Variants in PHB1 observed in about 807,000 individuals in gnomAD.
PHB1 encodes prohibitin 1.
chr17:49,411,876 T>C, the PHB1 span: 2 of 1,594,550 alleles, frequency 1.3e-6, no homozygotes, highest in South Asian at 2.2e-5. Flanking sequence ...ATAAAAATCC[T>C]CTCATCCTTT....
At chr17:49,411,752 G>A in the PHB1 span, 1 of 1,614,004 alleles carries the variant, frequency 6.2e-7, no homozygotes, top group Non-Finnish European at 8.5e-7. Context: ...CTGTACCCAC[G>A]GGATGAGAAA....
chr17:49,405,252 T>G, the PHB1 span: 2 of 1,530,690 alleles, frequency 1.3e-6, no homozygotes, highest in South Asian at 1.2e-5. Context: ...GGGCACCGCA[T>G]GTCAGGCTAC....
At chr17:49,407,785 A>G in the PHB1 span, among the ~76,000 whole-genome samples, 1 of 152,248 alleles carries the variant, frequency 6.6e-6, no homozygotes, top group Non-Finnish European at 1.5e-5. Context: ...ATTCTCTTCC[A>G]GAATTTTTAA....
chr17:49,409,084 C>A, the PHB1 span: 7 of 1,612,640 alleles, frequency 4.3e-6, no homozygotes, highest in Non-Finnish European at 5.9e-6. Context: ...TGGCGGCTCG[C>A]TCTGTAAGGT....
the PHB1 span, chr17:49,405,080 G>A: frequency 6.2e-7 from 1 of 1,609,292 alleles, no homozygotes; most frequent in Non-Finnish European, 8.5e-7. Flanking sequence ...GATGTCCTCT[G>A]CAGCTTCCAG....
chr17:49,410,857 T>C, the PHB1 span, among the ~76,000 whole-genome samples: 1 of 152,198 alleles, frequency 6.6e-6, no homozygotes, highest in Non-Finnish European at 1.5e-5. Flanking sequence ...GTGTAACACA[T>C]ATAAGGGGTT....
At chr17:49,405,335 A>G in the PHB1 span, 5 of 719,086 alleles carry the variant, frequency 7.0e-6, no homozygotes, top group South Asian at 8.9e-5. Context: ...CTTCCTCCTG[A>G]TGGCTAGCGG....
At chr17:49,405,120 C>T in the PHB1 span, 2 of 1,613,890 alleles carry the variant, frequency 1.2e-6, no homozygotes, top group Non-Finnish European at 1.7e-6. Flanking sequence ...CCATCCCCTG[C>T]AGTGGCCAGT....
At chr17:49,404,916 G>T in the PHB1 span, 2 of 955,080 alleles carry the variant, frequency 2.1e-6, no homozygotes, top group Non-Finnish European at 3.3e-6. Flanking sequence ...TGGGGTGGGA[G>T]CAGAAGGAAG....
At chr17:49,407,913 A>G in the PHB1 span, among the ~76,000 whole-genome samples, 1 of 152,248 alleles carries the variant, frequency 6.6e-6, no homozygotes, top group South Asian at 2.1e-4. Context: ...ATAATTAAGG[A>G]ATAAAATTTA....
At chr17:49,404,976 C>A in the PHB1 span, 3 of 1,536,502 alleles carry the variant, frequency 2.0e-6, no homozygotes, top group Non-Finnish European at 2.6e-6. Flanking sequence ...CGCGGAGGTG[C>A]AGGCAGGGTG....
the PHB1 span, chr17:49,412,045 T>C: frequency 1.8e-6 from 1 of 546,074 alleles, no homozygotes; most frequent in Non-Finnish European, 3.2e-6. Flanking sequence ...CCCCAAGGAT[T>C]GGTAATAGGA....
the PHB1 span, chr17:49,409,526 A>C: frequency 4.2e-6 from 6 of 1,438,568 alleles, no homozygotes; most frequent in Non-Finnish European, 5.7e-6. Flanking sequence ...CTGTAGGAAA[A>C]CAAGTGTTTT....
the PHB1 span, chr17:49,412,822 C>A: frequency 5.2e-6 from 1 of 193,638 alleles, no homozygotes; most frequent in Non-Finnish European, 1.1e-5. Context: ...CACATGCAAG[C>A]AGAGGAGAAC....
the PHB1 span, chr17:49,409,543 G>GTTTT: frequency 2.7e-4 from 227 of 838,808 alleles, 1 homozygote; most frequent in African/African-American, 2.3e-3. Flanking sequence ...TTTTTTTTTT[G>GTTTT]TTTTTTTTTT....
chr17:49,410,536 C>G, the PHB1 span, among the ~76,000 whole-genome samples: 1 of 152,294 alleles, frequency 6.6e-6, no homozygotes, highest in African/African-American at 2.4e-5. Flanking sequence ...GTTTGCAACA[C>G]TGAACATTTT....
chr17:49,408,693 C>T, the PHB1 span: 19 of 192,288 alleles, frequency 9.9e-5, no homozygotes, highest in East Asian at 1.1e-3. Flanking sequence ...AAGGACTACC[C>T]GAGCTGTTCT....
chr17:49,413,550 C>T, the PHB1 span, among the ~76,000 whole-genome samples: 2 of 149,892 alleles, frequency 1.3e-5, no homozygotes, highest in Non-Finnish European at 3.0e-5. Flanking sequence ...GCTCTGTCAC[C>T]CAGGCTGGAG....
chr17:49,414,563 C>T, the PHB1 span, among the ~76,000 whole-genome samples: 2 of 152,170 alleles, frequency 1.3e-5, no homozygotes, highest in African/African-American at 2.4e-5. Context: ...CTACCCTGAT[C>T]TCGTCCAGTG....
Sources: allele counts gnomAD v4.1 joint callset (sites outside exome capture counted in the v4.1 genomes callset), GRCh38; gene constraint gnomAD v4.1.1; transcripts MANE v1.5; gene names NCBI Gene and HGNC (gene_info 2026-07-23, HGNC 2026-07-21).